The following CAMKMT variants were observed in gnomAD, a reference collection of about 807,000 sequenced individuals.
The protein encoded by CAMKMT is calmodulin-lysine N-methyltransferase.
CAMKMT carries 53 observed loss-of-function variants against 48.0 expected under a neutral mutation model. The ratio of observed to expected loss-of-function variants is 1.10; its 90% CI spans 0.89 to 1.39. The LOEUF (loss-of-function observed/expected upper bound fraction) is 1.39. CAMKMT is among the 40% of genes most tolerant of loss of function. The pLI is 0.00. For missense variants in CAMKMT, 428 were observed against 402.7 expected (o/e 1.06, Z -0.54); for synonymous variants, 165 against 152.3 (o/e 1.08, Z -0.61).
At chr2:44,364,498 C>A (rs971992135) in intron 1 of CAMKMT, among the ~76,000 whole-genome samples, 2 of 152,084 alleles carry the variant, frequency 1.3e-5, no homozygotes, top group African/African-American at 4.8e-5. Context: ...GGCATTCACC[C>A]TGGGAAAAGG....
chr2:44,390,089 T>C lies in CAMKMT; in HGVS notation c.312-152T>C, dbSNP rs975170723. ...ATACTGTTATTTCTTTCCTTCTCCC[T>C]CTAGTGGGCAGAAAATATTCTTAAA... On this transcript the variant is annotated intron_variant, in intron 2 of 10. Transcript: ENST00000378494. 8.7e-6 allele frequency: 5 copies of C among 575,316 alleles called. No individual in the cohort carries two copies. In the South Asian group the frequency reaches 1.2e-4, roughly 13 times the overall value. 35.6% of individuals were successfully genotyped at this position (575,316 alleles called of 1,614,324 possible).
chr2:44,440,585 T>C (rs1666590730), intron 3 of CAMKMT, among the ~76,000 whole-genome samples: 1 of 152,132 alleles, frequency 6.6e-6, no homozygotes, highest in Admixed American at 6.6e-5. Context: ...TAAAATTTAA[T>C]TTAATAAATT....
At chr2:44,591,799 A>T (rs1670298798) in intron 3 of CAMKMT, among the ~76,000 whole-genome samples, 2 of 152,006 alleles carry the variant, frequency 1.3e-5, no homozygotes, top group Non-Finnish European at 1.5e-5. Context: ...AATAGTAAAG[A>T]CTTGGAACCA....
intron 3 of CAMKMT, among the ~76,000 whole-genome samples, chr2:44,643,912 G>A (rs573934107): frequency 2.6e-5 from 4 of 152,254 alleles, no homozygotes; most frequent in South Asian, 2.1e-4. Flanking sequence ...TAGAGTTAGC[G>A]ACAAACTGTT....
chr2:44,766,614 G>C, intron 10 of CAMKMT, 53 bp downstream of exon 10: 1 of 1,598,742 alleles, frequency 6.3e-7, no homozygotes, highest in Non-Finnish European at 8.5e-7. Context: ...GCATTTTGAA[G>C]AGATCATGGT....
chr2:44,577,985 C>T (rs932302136), intron 3 of CAMKMT, among the ~76,000 whole-genome samples: 2 of 152,136 alleles, frequency 1.3e-5, no homozygotes, highest in African/African-American at 4.8e-5. Context: ...AAGCATCTTG[C>T]TTTGGCCACT....
At chr2:44,619,980 C>T (rs558746764) in intron 3 of CAMKMT, among the ~76,000 whole-genome samples, 23 of 152,132 alleles carry the variant, frequency 1.5e-4, no homozygotes, top group Non-Finnish European at 2.6e-4. Context: ...CAGTCTTGCC[C>T]GCTGAAAATC....
intron 3 of CAMKMT, among the ~76,000 whole-genome samples, chr2:44,394,477 G>A (rs1010115806): frequency 1.3e-5 from 2 of 151,514 alleles, no homozygotes; most frequent in Admixed American, 6.6e-5. Context: ...CCCCAGGCTA[G>A]AGTGCAATGG....
At chr2:44,583,599 C>G (rs72882909) in intron 3 of CAMKMT, among the ~76,000 whole-genome samples, 1,971 of 152,064 alleles carry the variant, frequency 0.013, 30 homozygotes, top group African/African-American at 0.037. Flanking sequence ...TTGAGACCAG[C>G]TTAGGCTGGT....
intron 2 of CAMKMT, among the ~76,000 whole-genome samples, chr2:44,375,067 G>T (rs561250683): frequency 2.0e-5 from 3 of 152,112 alleles, no homozygotes; most frequent in Non-Finnish European, 4.4e-5. Context: ...GGATTTCAAG[G>T]CTGCAGTGAG....
At chr2:44,502,622 C>T (rs1484213064) in intron 3 of CAMKMT, among the ~76,000 whole-genome samples, 2 of 152,012 alleles carry the variant, frequency 1.3e-5, no homozygotes, top group Non-Finnish European at 2.9e-5. Context: ...CAAGACATAC[C>T]ACCTTGATTG....
intron 3 of CAMKMT, among the ~76,000 whole-genome samples, chr2:44,592,703 A>G (rs189202655): frequency 1.3e-5 from 2 of 152,334 alleles, no homozygotes; most frequent in East Asian, 3.9e-4. Flanking sequence ...GTTCAGTCCT[A>G]TCTGCGATTT....
At chr2:44,600,770 G>T (rs1402283437) in intron 3 of CAMKMT, among the ~76,000 whole-genome samples, 1 of 152,088 alleles carries the variant, frequency 6.6e-6, no homozygotes, top group Non-Finnish European at 1.5e-5. Context: ...CAAAATTAAT[G>T]TTTAAAATTT....
intron 7 of CAMKMT, among the ~76,000 whole-genome samples, chr2:44,742,321 C>T (rs1348135413): frequency 6.6e-6 from 1 of 152,200 alleles, no homozygotes; most frequent in Non-Finnish European, 1.5e-5. Context: ...AGTACAGCAA[C>T]ACTAAAGTTA....
chr2:44,494,083 T>G (rs1286634911), intron 3 of CAMKMT, among the ~76,000 whole-genome samples: 1 of 152,238 alleles, frequency 6.6e-6, no homozygotes, highest in Non-Finnish European at 1.5e-5. Context: ...TACATTAAAG[T>G]GCATGTTGTT....
chr2:44,579,563 C>T (rs1448752320), intron 3 of CAMKMT, among the ~76,000 whole-genome samples: 3 of 152,240 alleles, frequency 2.0e-5, no homozygotes, highest in South Asian at 4.1e-4. Flanking sequence ...TAACAGCAAC[C>T]TCTGAGCATG....
rs534847317 is a variant in CAMKMT, at chr2:44,503,986, A to G, written c.376+113681A>G. Among the ~76,000 whole-genome samples the G allele has an allele frequency of 9.4e-4, 140 of 148,810 alleles. 3 individuals carry two copies. In the East Asian group the frequency reaches 0.023, roughly 24 times the overall value. Reference sequence around the variant, plus strand: ...AGAGAGAGGGGAAGAGCGGGTGGGGAGAGAGAGAGAGAGAGAGAGAGAAAA... The same window carrying G: ...AGAGAGAGGGGAAGAGCGGGTGGGGGGAGAGAGAGAGAGAGAGAGAGAAAA... On this transcript the variant is annotated intron_variant, in intron 3 of 10. Coordinates refer to ENST00000378494, the MANE Select transcript of CAMKMT (RefSeq NM_024766.5).
chr2:44,482,294 C>T (rs911943364), intron 3 of CAMKMT, among the ~76,000 whole-genome samples: 2 of 152,066 alleles, frequency 1.3e-5, no homozygotes, highest in African/African-American at 4.8e-5. Flanking sequence ...ACGTATTGTA[C>T]ATATGACTAG....
intron 3 of CAMKMT, among the ~76,000 whole-genome samples, chr2:44,628,829 ACATCTTTTT>A (rs1457910165): frequency 1.3e-5 from 2 of 152,168 alleles, no homozygotes; most frequent in Non-Finnish European, 2.9e-5. Flanking sequence ...AGTTTTCAAG[ACATCTTTTT>A]TGTTATTGAT....
Sources: allele counts gnomAD v4.1 joint callset (sites outside exome capture counted in the v4.1 genomes callset), GRCh38; gene constraint gnomAD v4.1.1; transcripts MANE v1.5; gene names NCBI Gene and HGNC (gene_info 2026-07-23, HGNC 2026-07-21).